The following DPY19L2 variants were observed in gnomAD, a reference collection of about 807,000 sequenced individuals.
DPY19L2 encodes probable C-mannosyltransferase DPY19L2.
Under a neutral mutation model 97.9 loss-of-function variants are expected in DPY19L2, and 34 were observed. The ratio of observed to expected loss-of-function variants is 0.35; its 90% CI spans 0.26 to 0.46. DPY19L2 has a LOEUF of 0.46. Among genes scored for constraint, DPY19L2 ranks in the 20% least tolerant of loss-of-function variants. DPY19L2 has a pLI of 1.00. For synonymous variants in DPY19L2, 230 were observed against 307.9 expected, an observed-to-expected ratio of 0.75 and a Z score of 2.65; for missense variants, 623 against 911.4, an observed-to-expected ratio of 0.68 and a Z score of 4.07.
chr12:63,659,989 CA>C (rs1895465005), intron 4 of DPY19L2, among the ~76,000 whole-genome samples: 1 of 151,958 alleles, frequency 6.6e-6, no homozygotes, highest in Non-Finnish European at 1.5e-5. Flanking sequence ...CAAATTAAAA[CA>C]AAAAAGCATA....
intron 6 of DPY19L2, among the ~76,000 whole-genome samples, chr12:63,637,521 A>C (rs1381063841): frequency 6.6e-6 from 1 of 152,186 alleles, no homozygotes; most frequent in East Asian, 1.9e-4. Flanking sequence ...AAAAAATGAT[A>C]AAGGGGATAT....
rs1437987819 is a variant in DPY19L2, at chr12:63,560,621, G to A, written c.2168C>T (p.Pro723Leu). 2 of 1,614,000 alleles carry A rather than the reference G, an allele frequency of 1.2e-6. No homozygotes were observed. The highest frequency in any genetic ancestry group is 2.2e-5 in the East Asian group (1 of 44,850). The change falls in exon 22 of 22, where the codon CCT becomes CTT. Residue 723 changes from proline (P) to leucine (L), a missense_variant. Coordinates refer to ENST00000324472, the MANE Select transcript of DPY19L2 (RefSeq NM_173812.5). ...TAAGGGAGGGTTAGCTGCATTGGAA[G>A]GGTCTTCCACATCCCAGATTTCAAG... is the stretch of plus-strand genomic sequence containing the variant. ...SMLEIWDVED[P>L]SNAANPPLCS...
At position 63,668,349 on chromosome 12, in the gene DPY19L2, G is replaced by A. The variant is rs781417786; in HGVS notation, c.45C>T (p.Gly15=). 1.7e-5 allele frequency: 27 copies of A among 1,613,372 alleles called. No individual in the cohort carries two copies. The highest frequency in any genetic ancestry group is 2.3e-5 in the Non-Finnish European group (27 of 1,179,828). Residue 15 remains glycine (G), a synonymous_variant, in exon 1 of 22, where the codon GGC becomes GGT. Coordinates refer to ENST00000324472, the MANE Select transcript of DPY19L2 (RefSeq NM_173812.5). The stretch of plus-strand genomic sequence containing the variant: ...CGCGCCGCCCCTTAGACTGGCTGCG[G>A]CCGGAAGATTGCAGCCGCTTTGAGC... ...GVSSKRLQSS[G]RSQSKGRRGA...
intron 11 of DPY19L2, among the ~76,000 whole-genome samples, chr12:63,615,741 C>T (rs1217853281): frequency 2.0e-5 from 3 of 152,072 alleles, no homozygotes; most frequent in South Asian, 2.1e-4. Context: ...TAGTCATTAT[C>T]GTTTTAGGGC....
intron 19 of DPY19L2, among the ~76,000 whole-genome samples, chr12:63,572,128 G>A (rs1878981809): frequency 6.6e-6 from 1 of 152,158 alleles, no homozygotes; most frequent in African/African-American, 2.4e-5. Context: ...TGTGGTCCCC[G>A]ATTCCAGGCC....
chr12:63,591,128 C>T (rs1031265195), intron 16 of DPY19L2: 2 of 455,762 alleles, frequency 4.4e-6, no homozygotes, highest in Admixed American at 2.3e-5. Context: ...CTCCATCTGT[C>T]TGGAACAATA....
chr12:63,599,897 C>T (rs1300330140), intron 13 of DPY19L2, among the ~76,000 whole-genome samples: 4 of 151,948 alleles, frequency 2.6e-5, no homozygotes, highest in African/African-American at 4.8e-5. Flanking sequence ...GATTTTAGTC[C>T]ACAGTTATAA....
chr12:63,569,986 C>A (rs971223223), intron 20 of DPY19L2, among the ~76,000 whole-genome samples: 1 of 152,116 alleles, frequency 6.6e-6, no homozygotes, highest in Non-Finnish European at 1.5e-5. Flanking sequence ...ACAGTGGTTT[C>A]CACGCCAGTT....
intron 4 of DPY19L2, among the ~76,000 whole-genome samples, chr12:63,658,059 T>C (rs1225239342): frequency 6.6e-6 from 1 of 152,178 alleles, no homozygotes; most frequent in East Asian, 1.9e-4. Flanking sequence ...ATTTTCCTTG[T>C]TGTAGGAATG....
intron 6 of DPY19L2, among the ~76,000 whole-genome samples, chr12:63,640,221 G>C (rs1471297520): frequency 1.3e-5 from 2 of 152,114 alleles, no homozygotes; most frequent in African/African-American, 4.8e-5. Context: ...GGAAGAAGGA[G>C]GGATAGCATT....
At chr12:63,631,148 A>C (rs565515643) in intron 6 of DPY19L2, among the ~76,000 whole-genome samples, 245 of 152,254 alleles carry the variant, frequency 1.6e-3, no homozygotes, top group African/African-American at 5.7e-3. Context: ...TAACATCACA[A>C]TTAAAAGAAC....
intron 9 of DPY19L2, among the ~76,000 whole-genome samples, chr12:63,619,689 G>C (rs1347835931): frequency 6.6e-6 from 1 of 151,876 alleles, no homozygotes; most frequent in Non-Finnish European, 1.5e-5. Flanking sequence ...ATTTTTAGTA[G>C]AGATGGGGTT....
chr12:63,613,961 A>C (rs2878704), intron 11 of DPY19L2, among the ~76,000 whole-genome samples: 1 of 151,588 alleles, frequency 6.6e-6, no homozygotes, highest in Non-Finnish European at 1.5e-5. Flanking sequence ...AGGCAGAGGC[A>C]GGCAGATCAC....
chr12:63,668,234 A>T lies in DPY19L2; in HGVS notation c.160T>A (p.Ser54Thr), dbSNP rs1275192442. 6.2e-7 allele frequency: 1 copy of T among 1,612,698 alleles called. No individual in the cohort carries two copies. Among genetic ancestry groups the T allele is most frequent in the East Asian group, 2.2e-5 (1 of 44,756 alleles). The change falls in exon 1 of 22, where the codon TCC becomes ACC. Residue 54 changes from serine to threonine, a missense_variant. Around this residue, in one of 6 missense-constraint regions of DPY19L2, gnomAD observed 144 missense variants for 119.4 expected, o/e 1.21. Coordinates refer to ENST00000324472, the MANE Select transcript of DPY19L2 (RefSeq NM_173812.5). ...AGACTTTGGATCCTCCCCGGGGAGG[A>T]CCTCCAGGAGCCCCTTGGCAGTTTC... ...GGKLPRGSWR[S>T]SPGRIQSLKE...
chr12:63,620,256 A>G lies in DPY19L2; in HGVS notation c.1053+982T>C, dbSNP rs532317000. On this transcript the variant is annotated intron_variant, in intron 9 of 21. Transcript: ENST00000324472. ...AACAGGATATGGGCTCAGCTCACTT[A>G]AGCAATGATGAGCTTTATGATTAAA... 17 of 247,054 alleles carry G rather than the reference A, an allele frequency of 6.9e-5. No individual in the cohort carries two copies. In the East Asian group the frequency reaches 2.0e-3, roughly 29 times the overall value. The allele number at this position is 247,054 out of a possible 1,614,324, so 15.3% of individuals were successfully genotyped here.
intron 6 of DPY19L2, among the ~76,000 whole-genome samples, chr12:63,628,733 C>A (rs143208103): frequency 6.6e-6 from 1 of 151,332 alleles, no homozygotes; most frequent in Non-Finnish European, 1.5e-5. Context: ...TCTCCCAGCA[C>A]GCAGCTGGAG....
chr12:63,630,044 C>A (rs1890306250), intron 6 of DPY19L2, among the ~76,000 whole-genome samples: 2 of 152,178 alleles, frequency 1.3e-5, no homozygotes, highest in Non-Finnish European at 2.9e-5. Context: ...CCAGGCCAGC[C>A]CTAAAAGAGC....
chr12:63,582,780 T>C (rs1881165164), intron 17 of DPY19L2, among the ~76,000 whole-genome samples: 1 of 152,116 alleles, frequency 6.6e-6, no homozygotes, highest in Admixed American at 6.6e-5. Context: ...AGACAGACAA[T>C]ACATAGAAAT....
intron 6 of DPY19L2, among the ~76,000 whole-genome samples, chr12:63,631,767 A>G (rs1305803765): frequency 1.3e-5 from 2 of 152,174 alleles, no homozygotes; most frequent in East Asian, 3.8e-4. Context: ...ACAAAAAAAG[A>G]GAATTTTAGA....
Sources: gnomAD v4.1 joint callset for allele counts (sites outside exome capture counted in the v4.1 genomes callset) on GRCh38, gnomAD v4.1.1 for gene constraint, gnomAD v4.1.1 regional missense constraint, MANE v1.5 for transcripts, NCBI Gene and HGNC (gene_info 2026-07-23, HGNC 2026-07-21) for gene names.